Variants in DPYSL5 observed in about 807,000 individuals in gnomAD.
DPYSL5 encodes the protein dihydropyrimidinase-related protein 5.
Under a neutral mutation model 58.4 loss-of-function variants are expected in DPYSL5, and 9 were observed. The observed-to-expected ratio is 0.15, with a 90% confidence interval of 0.09 to 0.27. The LOEUF (loss-of-function observed/expected upper bound fraction) is 0.27. DPYSL5 is among the 10% of genes least tolerant of loss of function. The pLI, the probability that DPYSL5 is intolerant of heterozygous loss-of-function variation, is 1.00. For synonymous variants in DPYSL5, 293 were observed against 301.9 expected, an observed-to-expected ratio of 0.97 and a Z score of 0.31; for missense variants, 499 against 770.6, an observed-to-expected ratio of 0.65 and a Z score of 4.17.
chr2:26,874,075 T>C (rs560881784), intron 1 of DPYSL5, among the ~76,000 whole-genome samples: 2 of 152,224 alleles, frequency 1.3e-5, no homozygotes, highest in African/African-American at 2.4e-5. Flanking sequence ...ATACAAATAG[T>C]GTCTCTTCAA....
chr2:26,858,844 G>T (rs927403955), intron 1 of DPYSL5, among the ~76,000 whole-genome samples: 4 of 151,656 alleles, frequency 2.6e-5, no homozygotes, highest in African/African-American at 9.7e-5. Flanking sequence ...ACAGTGCTGG[G>T]ATTACAGACA....
chr2:26,931,187 G>GTGTC (rs1213111645), intron 5 of DPYSL5, among the ~76,000 whole-genome samples: 2 of 61,908 alleles, frequency 3.2e-5, no homozygotes, highest in Non-Finnish European at 6.9e-5. Flanking sequence ...GTGTGTGTGT[G>GTGTC]TGTGTGTGTG....
intron 8 of DPYSL5, among the ~76,000 whole-genome samples, chr2:26,937,742 T>TTTTGTTTG (rs59337750): frequency 0.13 from 19,238 of 149,132 alleles, 1,445 homozygotes; most frequent in Admixed American, 0.23. Context: ...CTGGCTAGTT[T>TTTTGTTTG]TTTGTTTGTT....
chr2:26,940,408 G>GAA (rs1360671854), intron 9 of DPYSL5, among the ~76,000 whole-genome samples: 1 of 137,850 alleles, frequency 7.3e-6, no homozygotes, highest in Non-Finnish European at 1.6e-5. Context: ...AAAAGTATAA[G>GAA]AAAAAAAGAA....
Position 26,945,642 on chromosome 2 carries a change from G to A in DPYSL5, c.1609+818G>A, listed in dbSNP as rs575676832. On this transcript the variant is annotated intron_variant, in intron 12 of 12. Coordinates refer to ENST00000288699, the MANE Select transcript of DPYSL5 (RefSeq NM_020134.4). ...GTGGGAACTGTCACCACCACTTGCA[G>A]GGGGCTAGGACCCTGAGTCTCCCTG... Among the ~76,000 whole-genome samples, 5 of 152,296 alleles carry A rather than the reference G, an allele frequency of 3.3e-5. No individual in the cohort carries two copies. The South Asian group carries it at 1.0e-3, about 32-fold the overall frequency.
chr2:26,858,448 G>A (rs1366063285), intron 1 of DPYSL5, among the ~76,000 whole-genome samples: 4 of 152,146 alleles, frequency 2.6e-5, no homozygotes, highest in Non-Finnish European at 5.9e-5. Context: ...TGGGATTACA[G>A]GCGTGAGCCA....
chr2:26,904,723 C>T lies in DPYSL5; in HGVS notation c.261+5963C>T, dbSNP rs549281893. On this transcript the variant is annotated intron_variant, in intron 2 of 12. Coordinates refer to ENST00000288699, the MANE Select transcript of DPYSL5 (RefSeq NM_020134.4). ...TTTGAGAGCAGCCTGGGCAACATGG[C>T]AAAACCCCATCTCTACAAAAAATAC... 1.8e-4 allele frequency among the ~76,000 whole-genome samples: 27 copies of T among 152,134 alleles called. No individual in the cohort carries two copies. In the South Asian group the frequency reaches 5.6e-3, roughly 32 times the overall value.
intron 1 of DPYSL5, among the ~76,000 whole-genome samples, chr2:26,863,429 A>T (rs1311046884): frequency 6.6e-6 from 1 of 152,156 alleles, no homozygotes; most frequent in Admixed American, 6.5e-5. Flanking sequence ...TGCTTCTCAA[A>T]TCTTGCCCAG....
rs1057115 is a variant in DPYSL5, at chr2:26,949,201, T to C, written c.*2206T>C. The C allele has an allele frequency of 0.36, 54,069 of 152,038 alleles. 10,066 individuals are homozygous for C. Among genetic ancestry groups the C allele is most frequent in the Admixed American group, 0.5 (7,591 of 15,266 alleles). 9.4% of individuals were successfully genotyped at this position (152,038 alleles called of 1,614,324 possible). The stretch of plus-strand genomic sequence containing the variant: ...TTTGCACAGGAAGATAGATTTTTTT[T>C]CTCATCTTTCTTATAAACAACCTCA... On this transcript the variant is annotated 3_prime_UTR_variant, in exon 13 of 13. Coordinates refer to ENST00000288699, the MANE Select transcript of DPYSL5 (RefSeq NM_020134.4).
intron 2 of DPYSL5, among the ~76,000 whole-genome samples, chr2:26,906,722 C>G (rs1165531929): frequency 6.6e-6 from 1 of 152,146 alleles, no homozygotes; most frequent in African/African-American, 2.4e-5. Context: ...CCTAGTACAT[C>G]TCCACTCCAC....
Position 26,849,119 on chromosome 2 carries a change from C to CTAGG in DPYSL5, c.-5+866_-5+869dup, listed in dbSNP as rs1665675136. 7.6e-6 allele frequency among the ~76,000 whole-genome samples: 1 copy of CTAGG among 131,584 alleles called. No individual in the cohort carries two copies. The highest frequency in any genetic ancestry group is 1.6e-5 in the Non-Finnish European group (1 of 62,742). 86.3% of individuals were successfully genotyped at this position (131,584 alleles called of 152,430 possible). On this transcript the variant is annotated intron_variant, in intron 1 of 12. Coordinates refer to ENST00000288699, the MANE Select transcript of DPYSL5 (RefSeq NM_020134.4). This position sits in a 1 kb window ranked among gnomAD's most constrained non-coding sequence, Gnocchi z 6.2. The stretch of plus-strand genomic sequence containing the variant: ...GGTCTCGGGGAGCAGGGAGTGGGAA[C>CTAGG]TAGGGTTTGAGGAGGAAAGAGAAGG...
In DPYSL5 at chr2:26,933,634, C is replaced by A. The variant is rs1420458098; in HGVS notation, c.790+301C>A. 6.6e-6 allele frequency among the ~76,000 whole-genome samples: 1 copy of A among 152,198 alleles called. No homozygotes were observed. The highest frequency in any genetic ancestry group is 2.4e-5 in the African/African-American group (1 of 41,446). On this transcript the variant is annotated intron_variant, in intron 7 of 12. Coordinates refer to ENST00000288699, the MANE Select transcript of DPYSL5 (RefSeq NM_020134.4). The surrounding 1 kb of genome is among the most constrained non-coding windows in gnomAD (Gnocchi z 4.2). ...TTTAAACCCACTCATTAATTAGTGTCTTTTTGGCCTCATAGATTTTACTAG... is the reference window on the plus strand; with the variant it reads ...TTTAAACCCACTCATTAATTAGTGTATTTTTGGCCTCATAGATTTTACTAG...
At chr2:26,899,674 G>T (rs1376396238) in intron 2 of DPYSL5, among the ~76,000 whole-genome samples, 1 of 152,180 alleles carries the variant, frequency 6.6e-6, no homozygotes, top group Non-Finnish European at 1.5e-5. Flanking sequence ...GTCTCCTTGA[G>T]GACAGGCCCC....
chr2:26,934,718 A>AAT lies in DPYSL5; in HGVS notation c.931_932insAT (p.Met311AsnfsTer2), dbSNP rs764634195. ...GGACACCAACACCTCAACCTACCTC[A>AAT]TGAGCCTGCTGGCCAAGTAAGGCGT... On this transcript the variant is annotated frameshift_variant, in exon 8 of 13. Transcript: ENST00000288699. LOFTEE classifies it high-confidence loss of function. This position sits in a 1 kb window ranked among gnomAD's most constrained non-coding sequence, Gnocchi z 4.3. 1 of 1,613,118 alleles carries AAT rather than the reference A, an allele frequency of 6.2e-7. No homozygotes were observed. Among genetic ancestry groups the AAT allele is most frequent in the Non-Finnish European group, 8.5e-7 (1 of 1,179,232 alleles).
chr2:26,849,345 G>T lies in DPYSL5; in HGVS notation c.-5+1091G>T, dbSNP rs1019066198. Among the ~76,000 whole-genome samples, 14 of 152,124 alleles carry T rather than the reference G, an allele frequency of 9.2e-5. No homozygotes were observed. The highest frequency in any genetic ancestry group is 3.4e-4 in the African/African-American group (14 of 41,550). On this transcript the variant is annotated intron_variant, in intron 1 of 12. Coordinates refer to ENST00000288699, the MANE Select transcript of DPYSL5 (RefSeq NM_020134.4). The surrounding 1 kb of genome is among the most constrained non-coding windows in gnomAD (Gnocchi z 6.2). The stretch of plus-strand genomic sequence containing the variant: ...CCTCCTGGGAAGGGGAGCCTCCCGA[G>T]GAGGGAGGGGCAAGCAGCTGAGAGG...
At position 26,927,569 on chromosome 2, in the gene DPYSL5, C is replaced by T. The variant is rs1216797816; in HGVS notation, c.600+137C>T. The T allele has an allele frequency of 9.4e-7, 1 of 1,064,558 alleles. No individual in the cohort carries two copies. Among genetic ancestry groups the T allele is most frequent in the Non-Finnish European group, 1.3e-6 (1 of 766,856 alleles). The allele number at this position is 1,064,558 out of a possible 1,614,324, so 65.9% of individuals were successfully genotyped here. ...TGTTAAAGTGTGAGGTGTGGACACC[C>T]CAGCTGTCAGATCTTGGTCAGAAAA... On this transcript the variant is annotated intron_variant, in intron 4 of 12. Transcript: ENST00000288699. This position sits in a 1 kb window ranked among gnomAD's most constrained non-coding sequence, Gnocchi z 4.3.
rs1049107353 is a variant in DPYSL5 at position 26,942,957 on chromosome 2, A to G, written c.1440+207A>G. ...TGATTTCTGTTCCCCGTCTTTGATTACCAAGTGGCATTTTAAGTGGTCAGG... is the reference window on the plus strand; with the variant it reads ...TGATTTCTGTTCCCCGTCTTTGATTGCCAAGTGGCATTTTAAGTGGTCAGG... On this transcript the variant is annotated intron_variant, in intron 11 of 12. Transcript: ENST00000288699. This position sits in a 1 kb window ranked among gnomAD's most constrained non-coding sequence, Gnocchi z 5.9. Among the ~76,000 whole-genome samples, 9 of 152,228 alleles carry G rather than the reference A, an allele frequency of 5.9e-5. No homozygotes were observed. The highest frequency in any genetic ancestry group is 2.2e-4 in the African/African-American group (9 of 41,460).
chr2:26,881,713 C>A (rs138104838), intron 1 of DPYSL5, among the ~76,000 whole-genome samples: 132 of 152,284 alleles, frequency 8.7e-4, no homozygotes, highest in African/African-American at 3.0e-3. Context: ...GTACAAGTAT[C>A]TGGTGCCTCT....
intron 2 of DPYSL5, among the ~76,000 whole-genome samples, chr2:26,901,596 T>C (rs1158662546): frequency 2.0e-5 from 3 of 152,184 alleles, no homozygotes; most frequent in Non-Finnish European, 2.9e-5. Context: ...ACCTACTTAG[T>C]ATGCTCTAAG....
Sources: gnomAD v4.1 joint callset for allele counts (sites outside exome capture counted in the v4.1 genomes callset) on GRCh38, gnomAD v4.1.1 for gene constraint, Gnocchi (gnomAD v3.1) non-coding constraint, MANE v1.5 for transcripts, NCBI Gene and HGNC (gene_info 2026-07-23, HGNC 2026-07-21) for gene names.